Variants in ARL15 observed in about 807,000 individuals in gnomAD.
ARL15 encodes the protein ADP-ribosylation factor-like protein 15.
A neutral mutation model predicts 25.2 loss-of-function variants in ARL15; 19 were observed. The ratio of observed to expected loss-of-function variants is 0.75; its 90% CI spans 0.53 to 1.10. The LOEUF (loss-of-function observed/expected upper bound fraction) is 1.10, where lower values mean the gene tolerates loss of function less well. Ranked by LOEUF, ARL15 falls within the 50% of genes least tolerant of loss-of-function variation. ARL15 has a pLI of 0.00. For synonymous variants in ARL15, 94 were observed against 86.8 expected, an observed-to-expected ratio of 1.08 and a Z score of -0.46; for missense variants, 220 against 246.0, an observed-to-expected ratio of 0.89 and a Z score of 0.71.
chr5:53,959,384 G>C (rs921638650), intron 4 of ARL15, among the ~76,000 whole-genome samples: 2 of 152,082 alleles, frequency 1.3e-5, no homozygotes, highest in African/African-American at 4.8e-5. Context: ...TATGTGCTAG[G>C]CAATAGAGAC....
intron 4 of ARL15, among the ~76,000 whole-genome samples, chr5:53,931,557 T>C (rs1451879476): frequency 6.6e-6 from 1 of 152,176 alleles, no homozygotes; most frequent in Non-Finnish European, 1.5e-5. Flanking sequence ...TGGATCTTCC[T>C]CCTAAAGGAA....
At chr5:54,247,792 T>C (rs940728953) in intron 1 of ARL15, among the ~76,000 whole-genome samples, 1 of 152,244 alleles carries the variant, frequency 6.6e-6, no homozygotes, top group Admixed American at 6.5e-5. Context: ...TACTAATTTA[T>C]GGACAAATGC....
chr5:54,060,296 G>A (rs1486195444), intron 4 of ARL15, among the ~76,000 whole-genome samples: 1 of 152,128 alleles, frequency 6.6e-6, no homozygotes, highest in Non-Finnish European at 1.5e-5. Context: ...GGGCATGGTG[G>A]TGCATTCCTG....
intron 4 of ARL15, among the ~76,000 whole-genome samples, chr5:53,996,760 G>A (rs770658443): frequency 1.3e-5 from 2 of 152,116 alleles, no homozygotes; most frequent in African/African-American, 2.4e-5. Flanking sequence ...CCCCTAGGTA[G>A]GAATGGTATT....
intron 4 of ARL15, among the ~76,000 whole-genome samples, chr5:54,047,368 T>C (rs1400375607): frequency 6.6e-6 from 1 of 152,204 alleles, no homozygotes; most frequent in African/African-American, 2.4e-5. Context: ...CATGCTACTC[T>C]CTCTGTGTTG....
chr5:54,083,480 T>C (rs1244492048), intron 4 of ARL15, among the ~76,000 whole-genome samples: 1 of 152,216 alleles, frequency 6.6e-6, no homozygotes, highest in Non-Finnish European at 1.5e-5. Flanking sequence ...TGGCTGGACA[T>C]TGACAATGAA....
At chr5:54,048,497 G>A (rs1347721407) in intron 4 of ARL15, among the ~76,000 whole-genome samples, 1 of 150,098 alleles carries the variant, frequency 6.7e-6, no homozygotes, top group African/African-American at 2.4e-5. Context: ...CCGCCTCCTG[G>A]GTTCAAGCGA....
At chr5:53,907,699 T>G (rs1407409262) in intron 4 of ARL15, among the ~76,000 whole-genome samples, 1 of 150,996 alleles carries the variant, frequency 6.6e-6, no homozygotes, top group African/African-American at 2.4e-5. Context: ...GGTTTCACCT[T>G]GTTAGCCAGG....
At chr5:53,944,982 G>C (rs1014559671) in intron 4 of ARL15, among the ~76,000 whole-genome samples, 1 of 152,198 alleles carries the variant, frequency 6.6e-6, no homozygotes, top group Non-Finnish European at 1.5e-5. Flanking sequence ...CATTTAGAAA[G>C]AAGGCAGTGA....
At chr5:54,216,708 T>A (rs538229520) in intron 1 of ARL15, among the ~76,000 whole-genome samples, 1 of 152,238 alleles carries the variant, frequency 6.6e-6, no homozygotes, top group East Asian at 1.9e-4. Context: ...AGTAAAAAAA[T>A]ATAACAGAAA....
At chr5:53,932,441 A>G (rs1248995521) in intron 4 of ARL15, among the ~76,000 whole-genome samples, 1 of 152,192 alleles carries the variant, frequency 6.6e-6, no homozygotes, top group Non-Finnish European at 1.5e-5. Context: ...TCTGGCACAA[A>G]GACCAGTTAC....
At chr5:53,921,240 A>G (rs553870582) in intron 4 of ARL15, among the ~76,000 whole-genome samples, 4 of 152,292 alleles carry the variant, frequency 2.6e-5, no homozygotes, top group Non-Finnish European at 5.9e-5. Context: ...TCACTTGTTC[A>G]AGAGCAAGCA....
chr5:54,148,337 A>G (rs983931340), intron 3 of ARL15, among the ~76,000 whole-genome samples: 2 of 152,192 alleles, frequency 1.3e-5, no homozygotes, highest in Non-Finnish European at 2.9e-5. Context: ...AAACAAAGAA[A>G]CAGGACAGAG....
intron 1 of ARL15, among the ~76,000 whole-genome samples, chr5:54,258,589 T>C (rs1290971639): frequency 6.6e-6 from 1 of 152,138 alleles, no homozygotes; most frequent in Non-Finnish European, 1.5e-5. Context: ...TCCCATACTG[T>C]CCCTAGAATA....
Position 54,173,429 on chromosome 5 carries a change from G to A in ARL15, c.49-1501C>T, listed in dbSNP as rs528021912. Among the ~76,000 whole-genome samples the A allele has an allele frequency of 1.1e-4, 17 of 152,208 alleles. No individual in the cohort carries two copies. In the East Asian group the frequency reaches 1.7e-3, roughly 16 times the overall value. On this transcript the variant is annotated intron_variant, in intron 1 of 4. Transcript: ENST00000504924. ...CACTTTTGGGTCATCTGGAGATTAC[G>A]AGAGAAGAGACCTATAAAAAAGCCT...
chr5:53,978,379 T>G (rs927459290), intron 4 of ARL15, among the ~76,000 whole-genome samples: 3 of 152,078 alleles, frequency 2.0e-5, no homozygotes, highest in Admixed American at 2.0e-4. Context: ...ACATCAAATC[T>G]TAATGCCCAC....
intron 4 of ARL15, among the ~76,000 whole-genome samples, chr5:54,041,800 A>G (rs1750349223): frequency 6.6e-6 from 1 of 152,132 alleles, no homozygotes; most frequent in Admixed American, 6.5e-5. Context: ...CGCCCCAGGA[A>G]CTCTGAATCA....
intron 4 of ARL15, among the ~76,000 whole-genome samples, chr5:53,944,953 A>G (rs183567472): frequency 6.6e-6 from 1 of 152,338 alleles, no homozygotes; most frequent in East Asian, 1.9e-4. Flanking sequence ...TAAGGATCCC[A>G]TCTTTGGGAT....
intron 3 of ARL15, among the ~76,000 whole-genome samples, chr5:54,151,715 T>C (rs1195375637): frequency 6.8e-6 from 1 of 146,766 alleles, no homozygotes; most frequent in African/African-American, 2.5e-5. Flanking sequence ...TGCAAACATA[T>C]AGTTTGTCAT....
Sources: allele counts gnomAD v4.1 joint callset (sites outside exome capture counted in the v4.1 genomes callset), GRCh38; gene constraint gnomAD v4.1.1; transcripts MANE v1.5; gene names NCBI Gene and HGNC (gene_info 2026-07-23, HGNC 2026-07-21).